ABCC9: variants seen among roughly 807,000 people sequenced by gnomAD.
ABCC9 encodes ATP-binding cassette sub-family C member 9.
ABCC9 carries 95 observed loss-of-function variants against 188.3 expected under a neutral mutation model. The ratio of observed to expected loss-of-function variants is 0.50; its 90% CI spans 0.43 to 0.60. The LOEUF is 0.60. Ranked by LOEUF, ABCC9 falls within the 20% of genes least tolerant of loss-of-function variation. The pLI, the probability that ABCC9 is intolerant of heterozygous loss-of-function variation, is 0.00. For missense variants in ABCC9, 1,102 were observed against 1,876.3 expected, an observed-to-expected ratio of 0.59 and a Z score of 7.62; for synonymous variants, 659 against 652.7, an observed-to-expected ratio of 1.01 and a Z score of -0.15.
chr12:21,912,255 C>A (rs1948358147), intron 8 of ABCC9, among the ~76,000 whole-genome samples: 1 of 151,814 alleles, frequency 6.6e-6, no homozygotes, highest in Non-Finnish European at 1.5e-5. Context: ...AAAATCAATA[C>A]TTAGAAAGAA....
At chr12:21,896,134 A>C (rs1592172217) in intron 12 of ABCC9, among the ~76,000 whole-genome samples, 1 of 121,302 alleles carries the variant, frequency 8.2e-6, no homozygotes, top group Non-Finnish European at 1.7e-5. Context: ...TTTAAGTTTT[A>C]GGGTACATGT....
Position 21,864,464 on chromosome 12 carries a change from C to T in ABCC9, c.2212G>A (p.Glu738Lys), listed in dbSNP as rs202054255. 8.8e-6 allele frequency: 14 copies of T among 1,593,764 alleles called. No individual in the cohort carries two copies. Among genetic ancestry groups the T allele is most frequent in the Non-Finnish European group, 1.2e-5 (14 of 1,161,772 alleles). ...KVHWSNVNES[E>K]PSFEATRSRN... ...CTTCTGGTTGCTTCAAAAGAAGGCT[C>T]AGATTCATTTACACTGCAAGTATGG... Residue 738 changes from glutamate to lysine, a missense_variant, in exon 19 of 40, where the codon GAG (glutamate) becomes AAG (lysine). Around this residue, in one of 12 missense-constraint regions of ABCC9, gnomAD observed 258 missense variants for 325.6 expected, o/e 0.79. Transcript: ENST00000261200.
chr12:21,911,907 G>T (rs1262756529), intron 8 of ABCC9, among the ~76,000 whole-genome samples: 1 of 42,004 alleles, frequency 2.4e-5, no homozygotes, highest in Non-Finnish European at 5.3e-5. Flanking sequence ...GAACACTAAT[G>T]TATGCAAGGA....
intron 14 of ABCC9, 72 bp downstream of exon 14, chr12:21,893,960 T>A (rs879596768): frequency 3.4e-6 from 5 of 1,485,126 alleles, no homozygotes; most frequent in Non-Finnish European, 4.7e-6. Flanking sequence ...TTATATTTTT[T>A]CAAATACTCC....
chr12:21,914,586 TTATA>T (rs1426098587), intron 7 of ABCC9, among the ~76,000 whole-genome samples: 1 of 152,146 alleles, frequency 6.6e-6, no homozygotes, highest in Non-Finnish European at 1.5e-5. Context: ...TTTTACCTCT[TTATA>T]TAACAAACAT....
At chr12:21,837,933 A>T in intron 30 of ABCC9, 145 bp downstream of exon 30, 2 of 733,526 alleles carry the variant, frequency 2.7e-6, no homozygotes, top group Non-Finnish European at 4.8e-6. Context: ...TTTACACCAA[A>T]TTTTTCTTAT....
chr12:21,904,281 A>C (rs1318767933), intron 12 of ABCC9, among the ~76,000 whole-genome samples: 1 of 152,110 alleles, frequency 6.6e-6, no homozygotes, highest in Non-Finnish European at 1.5e-5. Context: ...AATAATTCAA[A>C]ATGGATTAAA....
chr12:21,937,858 C>T (rs1338648350), intron 2 of ABCC9, among the ~76,000 whole-genome samples: 1 of 152,130 alleles, frequency 6.6e-6, no homozygotes, highest in Non-Finnish European at 1.5e-5. Flanking sequence ...ATTACACAAC[C>T]TCCAACCTGC....
At chr12:21,920,719 C>A (rs959186484) in intron 5 of ABCC9, among the ~76,000 whole-genome samples, 9 of 151,990 alleles carry the variant, frequency 5.9e-5, no homozygotes, top group African/African-American at 2.2e-4. Flanking sequence ...CAGCACCCCA[C>A]GACCCTTCCC....
chr12:21,878,842 C>T (rs1274857368), intron 16 of ABCC9, among the ~76,000 whole-genome samples: 1 of 152,122 alleles, frequency 6.6e-6, no homozygotes, highest in Non-Finnish European at 1.5e-5. Flanking sequence ...GTTAATTTCT[C>T]CTGCTGCCAT....
chr12:21,891,958 G>T (rs994621907), intron 14 of ABCC9, among the ~76,000 whole-genome samples: 1 of 152,244 alleles, frequency 6.6e-6, no homozygotes, highest in East Asian at 1.9e-4. Flanking sequence ...CACACAGTGG[G>T]AAAAAGGATT....
Position 21,864,482 on chromosome 12 carries a change from A to G in ABCC9, c.2199-5T>C, listed in dbSNP as rs2137529774. Reference sequence around the variant, plus strand: ...GAAGGCTCAGATTCATTTACACTGCAAGTATGGCAAACAATGTTCATTAAT... The same window carrying G: ...GAAGGCTCAGATTCATTTACACTGCGAGTATGGCAAACAATGTTCATTAAT... On this transcript the variant is annotated splice_region_variant and splice_polypyrimidine_tract_variant and intron_variant, in intron 18 of 39. Coordinates refer to ENST00000261200, the MANE Select transcript of ABCC9 (RefSeq NM_020297.4). 6.3e-7 allele frequency: 1 copy of G among 1,580,436 alleles called. No individual in the cohort carries two copies. Among genetic ancestry groups the G allele is most frequent in the Non-Finnish European group, 8.7e-7 (1 of 1,149,550 alleles).
intron 12 of ABCC9, among the ~76,000 whole-genome samples, chr12:21,901,687 A>AC: frequency 6.6e-6 from 1 of 152,144 alleles, no homozygotes; most frequent in Non-Finnish European, 1.5e-5. Context: ...TTAAACCAAC[A>AC]AGATCAAAAG....
At chr12:21,875,941 G>A (rs1164259160) in intron 16 of ABCC9, among the ~76,000 whole-genome samples, 11 of 152,096 alleles carry the variant, frequency 7.2e-5, no homozygotes, top group African/African-American at 2.4e-4. Context: ...AAAATTAGCC[G>A]GGCGTGGTGG....
chr12:21,842,501 A>G (rs1194408755), intron 28 of ABCC9, 30 bp from the exon 29 acceptor site: 2 of 1,609,396 alleles, frequency 1.2e-6, no homozygotes, highest in East Asian at 2.2e-5. Flanking sequence ...GGAAAATATG[A>G]TTAGCCCAGT....
At chr12:21,909,615 G>A (rs909718853) in intron 10 of ABCC9, among the ~76,000 whole-genome samples, 6 of 151,930 alleles carry the variant, frequency 3.9e-5, no homozygotes, top group Non-Finnish European at 7.4e-5. Context: ...ATTTTATGCA[G>A]TTTGACATTT....
intron 31 of ABCC9, among the ~76,000 whole-genome samples, chr12:21,823,094 A>G (rs1002778721): frequency 1.1e-4 from 17 of 152,318 alleles, no homozygotes; most frequent in African/African-American, 4.1e-4. Context: ...CAAATGATAC[A>G]ATGAAATGGG....
intron 22 of ABCC9, among the ~76,000 whole-genome samples, chr12:21,857,339 A>G (rs1342273251): frequency 6.6e-6 from 1 of 152,208 alleles, no homozygotes; most frequent in East Asian, 1.9e-4. Context: ...TAGACAAGTT[A>G]TGACACTAAT....
chr12:21,809,708 AATATTC>A (rs1478886233), intron 37 of ABCC9, 138 bp downstream of exon 37: 1 of 630,446 alleles, frequency 1.6e-6, no homozygotes, highest in Non-Finnish European at 2.7e-6. Flanking sequence ...TAGATTTTGA[AATATTC>A]TAATGACTTT....
Sources: gnomAD v4.1 joint callset for allele counts (sites outside exome capture counted in the v4.1 genomes callset) on GRCh38, gnomAD v4.1.1 for gene constraint, gnomAD v4.1.1 regional missense constraint, MANE v1.5 for transcripts, NCBI Gene and HGNC (gene_info 2026-07-23, HGNC 2026-07-21) for gene names.